Variants in KSR2 observed in about 807,000 individuals in gnomAD.
KSR2 encodes the protein kinase suppressor of ras 2.
KSR2 carries 25 observed loss-of-function variants against 107.8 expected under a neutral mutation model. That is an observed-to-expected ratio of 0.23 (90% CI 0.17 to 0.32). KSR2 has a LOEUF of 0.32. Among genes scored for constraint, KSR2 ranks in the 10% least tolerant of loss-of-function variants. The pLI is 1.00. For synonymous variants in KSR2, 480 were observed against 507.0 expected, an observed-to-expected ratio of 0.95 and a Z score of 0.71; for missense variants, 887 against 1,268.9, an observed-to-expected ratio of 0.70 and a Z score of 4.57.
chr12:117,469,446 T>G (rs2137111144), intron 19 of KSR2, among the ~76,000 whole-genome samples: 1 of 152,228 alleles, frequency 6.6e-6, no homozygotes, highest in Middle Eastern at 3.4e-3. Flanking sequence ...CCAGGGTAGC[T>G]GCAGGACCCA....
intron 1 of KSR2, among the ~76,000 whole-genome samples, chr12:117,966,617 G>GCACACACACA (rs1353712868): frequency 0.03 from 3,897 of 130,482 alleles, 87 homozygotes; most frequent in Middle Eastern, 0.044. Flanking sequence ...TCTCTCACAC[G>GCACACACACA]CGCACGCACA....
At chr12:117,708,512 C>T (rs375033312) in intron 4 of KSR2, among the ~76,000 whole-genome samples, 1 of 152,162 alleles carries the variant, frequency 6.6e-6, no homozygotes, top group African/African-American at 2.4e-5. Context: ...GTAGCTAATA[C>T]CTAGTGTAGT....
At chr12:117,571,886 C>T (rs1294236995) in intron 7 of KSR2, among the ~76,000 whole-genome samples, 4 of 152,084 alleles carry the variant, frequency 2.6e-5, no homozygotes, top group African/African-American at 7.2e-5. Flanking sequence ...CTGTCCTTGG[C>T]AAACAACTCA....
chr12:117,900,948 T>C (rs1387950517), intron 1 of KSR2, among the ~76,000 whole-genome samples: 1 of 152,204 alleles, frequency 6.6e-6, no homozygotes, highest in Non-Finnish European at 1.5e-5. Flanking sequence ...TGGCACGCCA[T>C]CAAACCATTA....
chr12:117,547,814 C>T (rs1460100265), intron 9 of KSR2, among the ~76,000 whole-genome samples: 3 of 152,042 alleles, frequency 2.0e-5, no homozygotes, highest in South Asian at 2.1e-4. Context: ...AAGTCTCAGG[C>T]GGCCAGGTGC....
chr12:117,580,613 C>T (rs1879590043), intron 6 of KSR2, among the ~76,000 whole-genome samples: 1 of 152,240 alleles, frequency 6.6e-6, no homozygotes, highest in Non-Finnish European at 1.5e-5. Context: ...TTCTCTCTAC[C>T]TCCTGGCATT....
At chr12:117,517,899 G>T (rs770509902) in intron 14 of KSR2, 1 of 455,366 alleles carries the variant, frequency 2.2e-6, no homozygotes, top group African/African-American at 2.0e-5. Flanking sequence ...AGGAGTTACA[G>T]AAAAAGCAAG....
chr12:117,804,070 TTTTG>T (rs544838522), intron 3 of KSR2, among the ~76,000 whole-genome samples: 9 of 152,272 alleles, frequency 5.9e-5, no homozygotes, highest in African/African-American at 1.7e-4. Context: ...TGAGACAGGA[TTTTG>T]CTCTGTCACC....
chr12:117,806,124 G>A (rs763139632), intron 3 of KSR2, among the ~76,000 whole-genome samples: 1 of 152,162 alleles, frequency 6.6e-6, no homozygotes, highest in Non-Finnish European at 1.5e-5. Context: ...TTTAAACAAC[G>A]TCCGGCATTT....
chr12:117,533,405 C>T (rs757987482), intron 10 of KSR2, among the ~76,000 whole-genome samples: 39 of 152,204 alleles, frequency 2.6e-4, no homozygotes, highest in Non-Finnish European at 1.6e-4. Context: ...CTCTCTTTAT[C>T]ACAGATGAAA....
At chr12:117,756,285 A>C (rs1468132206) in intron 4 of KSR2, among the ~76,000 whole-genome samples, 2 of 152,238 alleles carry the variant, frequency 1.3e-5, no homozygotes, top group African/African-American at 4.8e-5. Flanking sequence ...CCTGGCTTCA[A>C]AGCTTCAAAG....
intron 1 of KSR2, among the ~76,000 whole-genome samples, chr12:117,960,896 C>A (rs1306956815): frequency 6.6e-6 from 1 of 150,910 alleles, no homozygotes; most frequent in Non-Finnish European, 1.5e-5. Context: ...GCCTTCCAGT[C>A]TCCAACCATC....
rs558816024 is a variant in KSR2, at chr12:117,843,851, C to T, written c.472+11577G>A. On this transcript the variant is annotated intron_variant, in intron 3 of 19. Coordinates refer to ENST00000339824, the MANE Select transcript of KSR2 (RefSeq NM_173598.6). Reference sequence around the variant, plus strand: ...TTCCAACAGCTGGACGTATTGGCTGCCAGATGTCCCTGAAACCGCAGGCTG... The same window carrying T: ...TTCCAACAGCTGGACGTATTGGCTGTCAGATGTCCCTGAAACCGCAGGCTG... 4.7e-4 allele frequency among the ~76,000 whole-genome samples: 72 copies of T among 152,200 alleles called. 1 individual carries two copies. The South Asian group carries it at 0.013, about 27-fold the overall frequency.
At position 117,868,081 on chromosome 12, in the gene KSR2, A is replaced by G. The variant is rs187728392; in HGVS notation, c.181-7650T>C. Reference sequence around the variant, plus strand: ...TGACAAAGAAGACACTAGATCCCTTAAAGGGTTAAGGTGTCCTTGCTAGAT... The same window carrying G: ...TGACAAAGAAGACACTAGATCCCTTGAAGGGTTAAGGTGTCCTTGCTAGAT... On this transcript the variant is annotated intron_variant, in intron 1 of 19. Transcript: ENST00000339824. 1.5e-3 allele frequency among the ~76,000 whole-genome samples: 228 copies of G among 152,300 alleles called. 1 individual carries two copies. Among genetic ancestry groups the G allele is most frequent in the African/African-American group, 5.2e-3 (217 of 41,556 alleles).
chr12:117,598,291 G>C (rs1161292565), intron 5 of KSR2, among the ~76,000 whole-genome samples: 2 of 152,156 alleles, frequency 1.3e-5, no homozygotes, highest in African/African-American at 4.8e-5. Flanking sequence ...CTCCATCCAG[G>C]TTGCTGCAAA....
At chr12:117,477,408 T>C (rs1392161509) in intron 16 of KSR2, among the ~76,000 whole-genome samples, 1 of 152,350 alleles carries the variant, frequency 6.6e-6, no homozygotes, top group East Asian at 1.9e-4. Context: ...TCACCTATGA[T>C]GCCTAGGTTC....
chr12:117,722,356 G>A (rs1000713978), intron 4 of KSR2, among the ~76,000 whole-genome samples: 1 of 152,148 alleles, frequency 6.6e-6, no homozygotes, highest in African/African-American at 2.4e-5. Flanking sequence ...GGTAAAATGA[G>A]GCTGAAACCT....
intron 1 of KSR2, among the ~76,000 whole-genome samples, chr12:117,880,402 G>T: frequency 6.6e-6 from 1 of 152,044 alleles, no homozygotes; most frequent in East Asian, 1.9e-4. Context: ...CTCATGGGGA[G>T]TTTCTTCTAA....
At chr12:117,480,953 T>A (rs1872136850) in intron 16 of KSR2, among the ~76,000 whole-genome samples, 1 of 152,058 alleles carries the variant, frequency 6.6e-6, no homozygotes, top group Non-Finnish European at 1.5e-5. Context: ...GCCTGGGACC[T>A]TGAAAGGCTG....
Sources: allele counts gnomAD v4.1 joint callset (sites outside exome capture counted in the v4.1 genomes callset), GRCh38; gene constraint gnomAD v4.1.1; transcripts MANE v1.5; gene names NCBI Gene and HGNC (gene_info 2026-07-23, HGNC 2026-07-21).